EML6: variants seen among roughly 807,000 people sequenced by gnomAD.
The protein encoded by EML6 is EMAP like 6, also known as echinoderm microtubule-associated protein-like 6.
EML6 carries 154 observed loss-of-function variants against 240.1 expected under a neutral mutation model. The ratio of observed to expected loss-of-function variants is 0.64; its 90% CI spans 0.56 to 0.73. The LOEUF is 0.73. Ranked by LOEUF, EML6 falls within the 30% of genes least tolerant of loss-of-function variation. The pLI is 0.00. For missense variants in EML6, 2,964 were observed against 2,474.6 expected (o/e 1.20, Z -4.20); for synonymous variants, 1,148 against 899.0 (o/e 1.28, Z -4.95).
chr2:54,829,874 G>A (rs1366292823), intron 7 of EML6, among the ~76,000 whole-genome samples: 2 of 152,220 alleles, frequency 1.3e-5, no homozygotes, highest in Non-Finnish European at 2.9e-5. Context: ...AATTATAGTA[G>A]TAGGGATTAA....
intron 41 of EML6, among the ~76,000 whole-genome samples, chr2:54,969,036 G>T (rs990856714): frequency 6.6e-6 from 1 of 152,200 alleles, no homozygotes; most frequent in Non-Finnish European, 1.5e-5. Context: ...ACTGCTGGGG[G>T]AAAGGGACAG....
intron 11 of EML6, among the ~76,000 whole-genome samples, chr2:54,854,823 C>G (rs942471752): frequency 6.6e-6 from 1 of 152,242 alleles, no homozygotes; most frequent in Non-Finnish European, 1.5e-5. Context: ...TCATACTCTT[C>G]TTTTTCCCCA....
intron 2 of EML6, among the ~76,000 whole-genome samples, chr2:54,735,129 G>A (rs943573480): frequency 4.6e-5 from 7 of 152,144 alleles, no homozygotes; most frequent in Admixed American, 1.3e-4. Context: ...CAATATCAAT[G>A]CAAGTGCCAC....
intron 2 of EML6, among the ~76,000 whole-genome samples, chr2:54,789,993 C>A (rs1204016220): frequency 1.3e-5 from 2 of 152,048 alleles, no homozygotes; most frequent in Admixed American, 1.3e-4. Context: ...TTTTGCAATG[C>A]GTATATGTGT....
chr2:54,961,208 C>T (rs533760226), intron 35 of EML6, among the ~76,000 whole-genome samples: 10 of 3,356 alleles, frequency 3.0e-3, no homozygotes, highest in Non-Finnish European at 5.6e-3. Context: ...TTTTTTGAGA[C>T]GGAGTCTTGC....
At chr2:54,905,793 T>C (rs532042888) in intron 24 of EML6, among the ~76,000 whole-genome samples, 9 of 152,348 alleles carry the variant, frequency 5.9e-5, no homozygotes, top group Admixed American at 4.6e-4. Context: ...GTATTTGTCT[T>C]TCTATAATGG....
intron 8 of EML6, 48 bp downstream of exon 8, chr2:54,844,296 A>G (rs1355474580): frequency 2.1e-6 from 3 of 1,401,512 alleles, no homozygotes; most frequent in Middle Eastern, 3.8e-4. Flanking sequence ...AGATGGATTT[A>G]TTTGCCCAAA....
chr2:54,927,759 G>C (rs1156489436), intron 26 of EML6, among the ~76,000 whole-genome samples: 1 of 152,216 alleles, frequency 6.6e-6, no homozygotes, highest in Non-Finnish European at 1.5e-5. Context: ...TTGAAAAGGA[G>C]CTTTGCTTTA....
chr2:54,971,148 A>AG lies in EML6; in HGVS notation c.*1055dup, dbSNP rs1161573113. The AG allele has an allele frequency of 6.6e-6, 1 of 152,242 alleles. No homozygotes were observed. Among genetic ancestry groups the AG allele is most frequent in the African/African-American group, 2.4e-5 (1 of 41,464 alleles). The allele number at this position is 152,242 out of a possible 1,614,324, so 9.4% of individuals were successfully genotyped here. A position where few individuals can be genotyped will look rare whatever the true frequency, so the allele number is the denominator to read the frequency against. ...TTTGATTGCTTCAGGCGAACTATATAGGTCAAGTCCAGATTATAAAAAAAT... is the reference window on the plus strand; with the variant it reads ...TTTGATTGCTTCAGGCGAACTATATAGGGTCAAGTCCAGATTATAAAAAAAT... On this transcript the variant is annotated 3_prime_UTR_variant, in exon 42 of 42. Transcript: ENST00000356458.
rs558355980 is a variant in EML6 at position 54,741,274 on chromosome 2, G to T, written c.197+16016G>T. Reference sequence around the variant, plus strand: ...ACTAACTGGCCTCCTGGCTTTGATGGTTACTCCCCTAGCCCATCCTCTGCT... The same window carrying T: ...ACTAACTGGCCTCCTGGCTTTGATGTTTACTCCCCTAGCCCATCCTCTGCT... On this transcript the variant is annotated intron_variant, in intron 2 of 41. Transcript: ENST00000356458. Among the ~76,000 whole-genome samples the T allele has an allele frequency of 6.6e-5, 10 of 152,156 alleles. No individual in the cohort carries two copies. The South Asian group carries it at 2.1e-3, about 32-fold the overall frequency.
intron 2 of EML6, among the ~76,000 whole-genome samples, chr2:54,756,655 C>G (rs904873679): frequency 3.0e-4 from 45 of 151,766 alleles, no homozygotes; most frequent in Non-Finnish European, 1.8e-4. Context: ...CTACAAAAAG[C>G]CTTTTTTTTG....
rs1668280479 is a variant in EML6, at chr2:54,820,444, T to A, written c.507T>A (p.Cys169Ter). The change falls in exon 5 of 42, where the codon TGT becomes TGA. Residue 169 changes from cysteine to a stop codon, truncating the protein, a stop_gained. Coordinates refer to ENST00000356458, the MANE Select transcript of EML6 (RefSeq NM_001039753.4). LOFTEE classifies it high-confidence loss of function. The stretch of plus-strand genomic sequence containing the variant: ...ATCAGCCAAACAGAGTGGTTAGCTG[T>A]GGAGTAAAACACATAAAGGTAAAGC... ...DPYQPNRVVSCGVKHIKFWTL... is the reference protein window; with the variant it reads ...DPYQPNRVVS 1.9e-6 allele frequency: 3 copies of A among 1,548,140 alleles called. No individual in the cohort carries two copies. The highest frequency in any genetic ancestry group is 2.6e-6 in the Non-Finnish European group (3 of 1,144,242).
At position 54,874,676 on chromosome 2, in the gene EML6, T is replaced by C. The variant is rs182210270; in HGVS notation, c.2344+3071T>C. Among the ~76,000 whole-genome samples the C allele has an allele frequency of 6.8e-4, 103 of 152,312 alleles. 1 individual carries two copies. Among genetic ancestry groups the C allele is most frequent in the African/African-American group, 2.5e-3 (103 of 41,560 alleles). ...CTGATACGTGATTCATTACCATAAATGGTTACATACAGATGAATTGTAGTC... is the reference window on the plus strand; with the variant it reads ...CTGATACGTGATTCATTACCATAAACGGTTACATACAGATGAATTGTAGTC... On this transcript the variant is annotated intron_variant, in intron 16 of 41. Coordinates refer to ENST00000356458, the MANE Select transcript of EML6 (RefSeq NM_001039753.4).
intron 2 of EML6, among the ~76,000 whole-genome samples, chr2:54,797,546 G>A (rs354947): frequency 0.89 from 135,418 of 152,152 alleles, 60,531 homozygotes; most frequent in African/African-American, 0.97. Context: ...CCTAGTGCAT[G>A]TAAAGTCATG....
intron 2 of EML6, among the ~76,000 whole-genome samples, chr2:54,776,513 A>G (rs1407408675): frequency 6.6e-6 from 1 of 151,986 alleles, no homozygotes; most frequent in Non-Finnish European, 1.5e-5. Flanking sequence ...TTACACGTAT[A>G]TTTTCTAATA....
intron 7 of EML6, among the ~76,000 whole-genome samples, chr2:54,830,948 C>T (rs1668839350): frequency 6.6e-6 from 1 of 152,142 alleles, no homozygotes. Context: ...TGGTGTCTAC[C>T]TCAATGTAGG....
intron 18 of EML6, among the ~76,000 whole-genome samples, chr2:54,891,594 A>C (rs1052708549): frequency 4.6e-5 from 7 of 152,222 alleles, no homozygotes; most frequent in Admixed American, 3.9e-4. Flanking sequence ...TGGTGGATTT[A>C]ATGTTGATAA....
chr2:54,865,577 T>G, intron 13 of EML6, among the ~76,000 whole-genome samples: 1 of 152,222 alleles, frequency 6.6e-6, no homozygotes, highest in East Asian at 1.9e-4. Context: ...CAAAACTTCG[T>G]AAGTACTGGT....
Position 54,960,211 on chromosome 2 carries a change from CT to C in EML6, c.4854-3del. 1 of 1,545,592 alleles carries C rather than the reference CT, an allele frequency of 6.5e-7. No homozygotes were observed. The highest frequency in any genetic ancestry group is 8.8e-7 in the Non-Finnish European group (1 of 1,141,724). ...GTTAACAGCCTGAGTCCCTTTCAAT[CT>C]TTTTTAGGACCAAAGAAGGAGGTGC... On this transcript the variant is annotated splice_region_variant and splice_polypyrimidine_tract_variant and intron_variant, in intron 34 of 41. Transcript: ENST00000356458.
Sources: gnomAD v4.1 joint callset for allele counts (sites outside exome capture counted in the v4.1 genomes callset) on GRCh38, gnomAD v4.1.1 for gene constraint, MANE v1.5 for transcripts, NCBI Gene and HGNC (gene_info 2026-07-23, HGNC 2026-07-21) for gene names.